SYT9: variants seen among roughly 807,000 people sequenced by gnomAD.
SYT9 encodes synaptotagmin-9.
A neutral mutation model predicts 48.4 loss-of-function variants in SYT9; 22 were observed. The ratio of observed to expected loss-of-function variants is 0.45; its 90% CI spans 0.32 to 0.65. SYT9 has a LOEUF of 0.65. Ranked by LOEUF, SYT9 falls within the 30% of genes least tolerant of loss-of-function variation. The pLI, the probability that SYT9 is intolerant of heterozygous loss-of-function variation, is 0.03. For missense variants in SYT9, 577 were observed against 622.0 expected (o/e 0.93, Z 0.77); for synonymous variants, 265 against 245.0 (o/e 1.08, Z -0.76).
chr11:7,265,241 C>T (rs1848156229), intron 1 of SYT9, among the ~76,000 whole-genome samples: 1 of 152,012 alleles, frequency 6.6e-6, no homozygotes, highest in Non-Finnish European at 1.5e-5. Context: ...ATTTTAAACA[C>T]ATTAAGTTTG....
At chr11:7,247,355 G>GT (rs1847803823), upstream of SYT9, among the ~76,000 whole-genome samples, 1 of 151,504 alleles carries the variant, frequency 6.6e-6, no homozygotes, top group Admixed American at 6.6e-5. Flanking sequence ...AAGATGTTTG[G>GT]TTTTCCATTC....
At position 7,466,906 on chromosome 11, in the gene SYT9, C is replaced by T; in HGVS notation, c.*106C>T. Reference sequence around the variant, plus strand: ...AGCAACATCCAGACGATTTCAGTGACCAAATGCTCAGCTGTAACCACAGCA... The same window carrying T: ...AGCAACATCCAGACGATTTCAGTGATCAAATGCTCAGCTGTAACCACAGCA... On this transcript the variant is annotated 3_prime_UTR_variant, in exon 7 of 7. Coordinates refer to ENST00000318881, the MANE Select transcript of SYT9 (RefSeq NM_175733.4). The T allele has an allele frequency of 5.8e-6, 8 of 1,389,378 alleles. No individual in the cohort carries two copies. Among genetic ancestry groups the T allele is most frequent in the Non-Finnish European group, 8.1e-6 (8 of 989,972 alleles). The allele number at this position is 1,389,378 out of a possible 1,614,324, so 86.1% of individuals were successfully genotyped here.
At chr11:7,285,002 ATGGAGTTTGGGCAT>A (rs1176331665) in intron 1 of SYT9, among the ~76,000 whole-genome samples, 2 of 152,090 alleles carry the variant, frequency 1.3e-5, no homozygotes, top group Non-Finnish European at 2.9e-5. Flanking sequence ...TCACCTAACT[ATGGAGTTTGGGCAT>A]TGAGAAACAA....
At chr11:7,259,670 C>T (rs891903896) in intron 1 of SYT9, among the ~76,000 whole-genome samples, 5 of 152,006 alleles carry the variant, frequency 3.3e-5, no homozygotes, top group African/African-American at 1.2e-4. Flanking sequence ...CTTATATTTA[C>T]TCTTAAGTGA....
At chr11:7,426,196 A>T (rs113029272) in intron 6 of SYT9, among the ~76,000 whole-genome samples, 3 of 152,010 alleles carry the variant, frequency 2.0e-5, no homozygotes, top group African/African-American at 7.2e-5. Context: ...ACCTCGTGGC[A>T]TTGGCTGGAA....
chr11:7,323,284 G>C (rs1290026696), intron 3 of SYT9, among the ~76,000 whole-genome samples: 3 of 152,042 alleles, frequency 2.0e-5, no homozygotes, highest in Non-Finnish European at 4.4e-5. Context: ...AGCAGTATTT[G>C]AGACCATCTT....
chr11:7,345,617 G>A (rs1306579606), intron 3 of SYT9, among the ~76,000 whole-genome samples: 1 of 152,194 alleles, frequency 6.6e-6, no homozygotes, highest in African/African-American at 2.4e-5. Context: ...GTAAGATCAT[G>A]TGTTCCATTT....
In SYT9 at chr11:7,466,747, G is replaced by A. The variant is rs201076461; in HGVS notation, c.1468-45G>A. The stretch of plus-strand genomic sequence containing the variant: ...AAAAAAAAAAAAAAAGAAAAAAAAT[G>A]TATGAATGAAAGCCAAATTATTTTT... On this transcript the variant is annotated intron_variant, in intron 6 of 6. Coordinates refer to ENST00000318881, the MANE Select transcript of SYT9 (RefSeq NM_175733.4). The A allele has an allele frequency of 2.8e-3, 3,917 of 1,393,358 alleles. 5 individuals are homozygous for A. Among genetic ancestry groups the A allele is most frequent in the Non-Finnish European group, 3.6e-3 (3,566 of 999,084 alleles). 86.3% of individuals were successfully genotyped at this position (1,393,358 alleles called of 1,614,324 possible).
At chr11:7,412,173 G>A (rs771986379) in intron 3 of SYT9, among the ~76,000 whole-genome samples, 15 of 152,104 alleles carry the variant, frequency 9.9e-5, no homozygotes, top group Non-Finnish European at 1.9e-4. Context: ...ATTTACCCAT[G>A]ATTTCATTGA....
chr11:7,247,626 T>TC (rs1847810204), upstream of SYT9, among the ~76,000 whole-genome samples: 1 of 147,310 alleles, frequency 6.8e-6, no homozygotes, highest in Non-Finnish European at 1.5e-5. Context: ...CGTGTATATA[T>TC]ACGTGTATAT....
chr11:7,357,822 T>C (rs1374688661), intron 3 of SYT9, among the ~76,000 whole-genome samples: 3 of 152,150 alleles, frequency 2.0e-5, no homozygotes, highest in Non-Finnish European at 4.4e-5. Context: ...TAACCATTTT[T>C]ATTTTAAAAA....
chr11:7,460,538 A>G, intron 6 of SYT9, among the ~76,000 whole-genome samples: 1 of 152,302 alleles, frequency 6.6e-6, no homozygotes, highest in East Asian at 1.9e-4. Flanking sequence ...TATAATGCTA[A>G]CAAATAAAAT....
chr11:7,327,999 C>G (rs1701239899), intron 3 of SYT9, among the ~76,000 whole-genome samples: 1 of 132,812 alleles, frequency 7.5e-6, no homozygotes, highest in African/African-American at 2.8e-5. Flanking sequence ...GTGCAGCGCA[C>G]CAGCATGGCA....
chr11:7,344,929 TACACACAC>T (rs60652691), intron 3 of SYT9, among the ~76,000 whole-genome samples: 34,872 of 148,968 alleles, frequency 0.23, 4,509 homozygotes, highest in Non-Finnish European at 0.3. Flanking sequence ...CTCATTATTT[TACACACAC>T]ACACACACAC....
intron 3 of SYT9, among the ~76,000 whole-genome samples, chr11:7,393,395 C>A (rs906364807): frequency 6.6e-6 from 1 of 150,700 alleles, no homozygotes; most frequent in Non-Finnish European, 1.5e-5. Flanking sequence ...GCTTATATGG[C>A]CAATCACATT....
intron 3 of SYT9, among the ~76,000 whole-genome samples, chr11:7,382,991 A>G (rs1437308493): frequency 6.6e-6 from 1 of 152,222 alleles, no homozygotes; most frequent in Non-Finnish European, 1.5e-5. Flanking sequence ...AGTGCAGTCA[A>G]CAGTTACTTT....
intron 6 of SYT9, chr11:7,441,703 G>A (rs527282575): frequency 9.2e-5 from 14 of 152,232 alleles, no homozygotes; most frequent in Non-Finnish European, 1.5e-4. Context: ...ACAGGAAAAC[G>A]CACTTCTTGT....
chr11:7,260,527 C>T (rs1848059436), intron 1 of SYT9, among the ~76,000 whole-genome samples: 1 of 152,194 alleles, frequency 6.6e-6, no homozygotes, highest in Non-Finnish European at 1.5e-5. Context: ...CAAAAACCCA[C>T]TGAGGACTAA....
chr11:7,446,240 G>A (rs767372490), intron 6 of SYT9, among the ~76,000 whole-genome samples: 1 of 152,202 alleles, frequency 6.6e-6, no homozygotes, highest in Non-Finnish European at 1.5e-5. Flanking sequence ...GGATAATCAT[G>A]GTTATCGTTG....
Sources: allele counts gnomAD v4.1 joint callset (sites outside exome capture counted in the v4.1 genomes callset), GRCh38; gene constraint gnomAD v4.1.1; transcripts MANE v1.5; gene names NCBI Gene and HGNC (gene_info 2026-07-23, HGNC 2026-07-21).